SORD: variants seen among roughly 807,000 people sequenced by gnomAD.
SORD encodes (R,R)-butanediol dehydrogenase.
SORD carries 18 observed loss-of-function variants against 35.6 expected under a neutral mutation model. The observed-to-expected ratio is 0.51, with a 90% CI of 0.35 to 0.75. The LOEUF is 0.75. SORD is among the 30% of genes least tolerant of loss of function. The pLI is 0.01. For synonymous variants in SORD, 106 were observed against 152.9 expected, an observed-to-expected ratio of 0.69 and a Z score of 2.26; for missense variants, 250 against 390.2, an observed-to-expected ratio of 0.64 and a Z score of 3.03.
rs1287216811 is a variant in SORD, at chr15:45,027,451, C to T, written c.66+4102C>T. ...TGAGGATTCAGTGGAACCAATTGTG[C>T]GTGTGAAAGGCCTAGCACAGCATTT... On this transcript the variant is annotated intron_variant, in intron 1 of 8. Transcript: ENST00000267814. Among the ~76,000 whole-genome samples the T allele has an allele frequency of 3.3e-5, 5 of 152,250 alleles. No homozygotes were observed. The East Asian group carries it at 5.8e-4, about 18-fold the overall frequency.
chr15:45,055,741 A>T (rs1423075246), intron 3 of SORD, among the ~76,000 whole-genome samples: 1 of 152,266 alleles, frequency 6.6e-6, no homozygotes, highest in African/African-American at 2.4e-5. Context: ...AAAATCCTCA[A>T]TAAAATACTG....
intron 1 of SORD, among the ~76,000 whole-genome samples, chr15:45,027,936 A>G (rs1434036254): frequency 6.6e-6 from 1 of 152,256 alleles, no homozygotes; most frequent in African/African-American, 2.4e-5. Context: ...ACAGGGCTTT[A>G]CAAACTGTCC....
In SORD at chr15:45,048,315, T is replaced by A. The variant is rs374602196; in HGVS notation, c.265+4894T>A. Among the ~76,000 whole-genome samples, 27 of 152,282 alleles carry A rather than the reference T, an allele frequency of 1.8e-4. 1 individual carries two copies. In the South Asian group the frequency reaches 3.5e-3, roughly 20 times the overall value. ...TTCTATGTTTAGCAATAAAAATTTG[T>A]CTAGCACAACAGTAGACACTATGGA... On this transcript the variant is annotated intron_variant, in intron 3 of 8. Transcript: ENST00000267814.
At chr15:45,068,444 A>T (rs932831509) in intron 6 of SORD, among the ~76,000 whole-genome samples, 198 bp downstream of exon 6, 25 of 117,178 alleles carry the variant, frequency 2.1e-4, no homozygotes, top group Non-Finnish European at 3.7e-4. Context: ...AGTTTGTGTG[A>T]GAGAGTGTGT....
intron 3 of SORD, among the ~76,000 whole-genome samples, chr15:45,060,563 G>A (rs552421905): frequency 3.3e-5 from 5 of 152,304 alleles, no homozygotes; most frequent in East Asian, 3.9e-4. Flanking sequence ...AAAATGACCA[G>A]ACTGGACATA....
At chr15:45,066,676 C>A (rs1313106068) in intron 5 of SORD, among the ~76,000 whole-genome samples, 1 of 152,212 alleles carries the variant, frequency 6.6e-6, no homozygotes, top group Non-Finnish European at 1.5e-5. Flanking sequence ...CCAGACAGTA[C>A]GCTCACGCTC....
chr15:45,048,984 G>A (rs760862708), intron 3 of SORD, among the ~76,000 whole-genome samples: 8 of 152,112 alleles, frequency 5.3e-5, no homozygotes, highest in East Asian at 1.9e-4. Context: ...CAGCAACTGC[G>A]AGTATGTTTT....
intron 1 of SORD, among the ~76,000 whole-genome samples, chr15:45,038,049 T>A (rs1892898169): frequency 6.6e-6 from 1 of 152,104 alleles, no homozygotes; most frequent in African/African-American, 2.4e-5. Flanking sequence ...AGCAACAACT[T>A]TGAGGAAGGT....
chr15:45,036,871 A>T (rs1278341335), intron 1 of SORD, among the ~76,000 whole-genome samples: 1 of 152,258 alleles, frequency 6.6e-6, no homozygotes, highest in Non-Finnish European at 1.5e-5. Context: ...GATGAGAAAT[A>T]GGATAAATGG....
At chr15:45,069,191 T>C in intron 7 of SORD, 139 bp downstream of exon 7, 1 of 381,992 alleles carries the variant, frequency 2.6e-6, no homozygotes, top group Non-Finnish European at 4.1e-6. Flanking sequence ...ATGTTTTCTT[T>C]TTCTTTTTTT....
intron 1 of SORD, among the ~76,000 whole-genome samples, chr15:45,024,044 T>C (rs1240595937): frequency 6.6e-6 from 1 of 152,224 alleles, no homozygotes; most frequent in Non-Finnish European, 1.5e-5. Context: ...CCCGTGCCTC[T>C]GTCCCTTTAG....
At chr15:45,073,055 C>T (rs1460620408) in intron 8 of SORD, among the ~76,000 whole-genome samples, 5 of 134,070 alleles carry the variant, frequency 3.7e-5, no homozygotes, top group East Asian at 3.9e-4. Context: ...TGCCTCCCCA[C>T]GGCTTCTCTG....
At chr15:45,054,058 G>A (rs1893172717) in intron 3 of SORD, among the ~76,000 whole-genome samples, 1 of 149,090 alleles carries the variant, frequency 6.7e-6, no homozygotes, top group Admixed American at 6.7e-5. Flanking sequence ...TGGACATTTG[G>A]GTTGGTTCCA....
Position 45,068,162 on chromosome 15 carries a change from C to A in SORD, c.545-19C>A, listed in dbSNP as rs766237335. ...TGTTTAATATTTCACGAACATATTC[C>A]ATCTTCTGCTTTGTTTAGGGCCAAT... On this transcript the variant is annotated intron_variant, in intron 5 of 8. Coordinates refer to ENST00000267814, the MANE Select transcript of SORD (RefSeq NM_003104.6). The A allele has an allele frequency of 1.1e-4, 170 of 1,605,398 alleles. No individual in the cohort carries two copies. The highest frequency in any genetic ancestry group is 1.3e-4 in the Non-Finnish European group (157 of 1,172,188).
rs1286050216 is a variant in SORD, at chr15:45,044,721, C to T, written c.265+1300C>T. ...CTTTTTCTTTTTTTTTTTTTTTTGA[C>T]GGAGTCTCGCTCTGTCACCCAGGCT... is the stretch of plus-strand genomic sequence containing the variant. On this transcript the variant is annotated intron_variant, in intron 3 of 8. Coordinates refer to ENST00000267814, the MANE Select transcript of SORD (RefSeq NM_003104.6). Among the ~76,000 whole-genome samples, 13 of 137,106 alleles carry T rather than the reference C, an allele frequency of 9.5e-5. No individual in the cohort carries two copies. The South Asian group carries it at 1.1e-3, about 12-fold the overall frequency. 89.9% of individuals were successfully genotyped at this position (137,106 alleles called of 152,430 possible). A position where few individuals can be genotyped will look rare whatever the true frequency, so the allele number is the denominator to read the frequency against.
rs2959895 is a variant in SORD at position 45,065,310 on chromosome 15, C to G, written c.465C>G (p.Ile155Met). Residue 155 changes from isoleucine (I) to methionine (M), a missense_variant, in exon 5 of 9, where the codon ATC becomes ATG. Ile to Met is a conservative substitution (Grantham distance 10). Around this residue, in one of 8 missense-constraint regions of SORD, gnomAD observed 126 missense variants for 148.7 expected, o/e 0.85. Coordinates refer to ENST00000267814, the MANE Select transcript of SORD (RefSeq NM_003104.6). The stretch of plus-strand genomic sequence containing the variant: ...TCACCTTTGAGGAAGGCGCCCTGAT[C>G]GAGCCACTTTCTGTGGGGATCCATG... The part of the protein sequence containing the change: ...DNVTFEEGAL[I>M]EPLSVGIHAC... 42 of 1,613,786 alleles carry G rather than the reference C, an allele frequency of 2.6e-5. No homozygotes were observed. The highest frequency in any genetic ancestry group is 1.6e-4 in the Middle Eastern group (1 of 6,078).
intron 3 of SORD, among the ~76,000 whole-genome samples, chr15:45,053,399 C>T (rs1049390374): frequency 1.3e-5 from 2 of 152,154 alleles, no homozygotes; most frequent in Admixed American, 1.3e-4. Flanking sequence ...AAAGACAAAA[C>T]ACTAATAATG....
At position 45,023,256 on chromosome 15, in the gene SORD, G is replaced by C. The variant is rs1892617532; in HGVS notation, c.-28G>C. ...GCGACCAAACGTCCCGCGCCTTCCAGGCCGCACTCCAGAGCCAAAAGAGCT... is the reference window on the plus strand; with the variant it reads ...GCGACCAAACGTCCCGCGCCTTCCACGCCGCACTCCAGAGCCAAAAGAGCT... On this transcript the variant is annotated 5_prime_UTR_variant, in exon 1 of 9. Coordinates refer to ENST00000267814, the MANE Select transcript of SORD (RefSeq NM_003104.6). 6.5e-7 allele frequency: 1 copy of C among 1,538,240 alleles called. No homozygotes were observed. The highest frequency in any genetic ancestry group is 1.4e-5 in the African/African-American group (1 of 72,428).
chr15:45,048,556 T>C (rs1893080703), intron 3 of SORD, among the ~76,000 whole-genome samples: 1 of 152,176 alleles, frequency 6.6e-6, no homozygotes, highest in African/African-American at 2.4e-5. Context: ...GGAAAAACCC[T>C]GTCTCTGCAA....
Sources: allele counts gnomAD v4.1 joint callset (sites outside exome capture counted in the v4.1 genomes callset), GRCh38; gene constraint gnomAD v4.1.1; regional missense constraint gnomAD v4.1.1; transcripts MANE v1.5; gene names NCBI Gene and HGNC (gene_info 2026-07-23, HGNC 2026-07-21).